MTAP: variants seen among roughly 807,000 people sequenced by gnomAD.
The protein encoded by MTAP is S-methyl-5'-thioadenosine phosphorylase.
In MTAP, 33 loss-of-function variants were observed where a neutral mutation model predicts 33.6. The observed-to-expected ratio is 0.98, with a 90% CI of 0.74 to 1.31. The LOEUF is 1.31. Among genes scored for constraint, MTAP ranks in the 40% most tolerant of loss-of-function variants. MTAP has a pLI of 0.00. For synonymous variants in MTAP, 148 were observed against 125.7 expected (o/e 1.18, Z -1.19); for missense variants, 367 against 360.0 (o/e 1.02, Z -0.16).
chr9:21,856,542 C>T (rs1050673365), intron 6 of MTAP, among the ~76,000 whole-genome samples: 1 of 152,262 alleles, frequency 6.6e-6, no homozygotes, highest in East Asian at 1.9e-4. Flanking sequence ...CCTGCCACAC[C>T]CTGAGAGCGG....
chr9:21,832,757 T>C (rs1825006204), intron 4 of MTAP, among the ~76,000 whole-genome samples: 1 of 152,216 alleles, frequency 6.6e-6, no homozygotes, highest in African/African-American at 2.4e-5. Flanking sequence ...TTTGAGTTCC[T>C]ATTAGGTGTC....
chr9:21,913,687 C>G (rs1254353146), intron 1 of MTAP, among the ~76,000 whole-genome samples: 1 of 152,124 alleles, frequency 6.6e-6, no homozygotes, highest in African/African-American at 2.4e-5. Flanking sequence ...AGATGAAAAC[C>G]TAGGCAATAC....
chr9:21,893,939 A>ACACACACC (rs1554647752), intron 1 of MTAP: 1 of 151,720 alleles, frequency 6.6e-6, no homozygotes, highest in Non-Finnish European at 1.5e-5. Context: ...ACACACACAC[A>ACACACACC]CACACACACA....
At chr9:21,879,187 A>G (rs1047628321) in intron 1 of MTAP, among the ~76,000 whole-genome samples, 1 of 152,176 alleles carries the variant, frequency 6.6e-6, no homozygotes, top group East Asian at 1.9e-4. Context: ...TGGGAGTCTA[A>G]GTTTATTTGT....
At chr9:21,875,097 G>T (rs1249867466) in intron 1 of MTAP, among the ~76,000 whole-genome samples, 1 of 152,108 alleles carries the variant, frequency 6.6e-6, no homozygotes, top group African/African-American at 2.4e-5. Flanking sequence ...ATTTGGGCTG[G>T]TTCCAAGTCT....
rs1256165581 is a variant in MTAP, at chr9:21,807,324, C to G, written c.33+4543C>G. ...ACTGTGGAATATGGGCCTTTACACTCCCTGCTTTGCTGTCTTGAGTGTGGC... is the reference window on the plus strand; with the variant it reads ...ACTGTGGAATATGGGCCTTTACACTGCCTGCTTTGCTGTCTTGAGTGTGGC... On this transcript the variant is annotated intron_variant, in intron 1 of 7. Coordinates refer to ENST00000644715, the MANE Select transcript of MTAP (RefSeq NM_002451.4). Among the ~76,000 whole-genome samples the G allele has an allele frequency of 2.6e-5, 4 of 152,134 alleles. No homozygotes were observed. In the East Asian group the frequency reaches 5.8e-4, roughly 22 times the overall value.
intron 1 of MTAP, among the ~76,000 whole-genome samples, chr9:21,881,555 A>T (rs1818010924): frequency 2.6e-5 from 4 of 152,090 alleles, no homozygotes; most frequent in Non-Finnish European, 2.9e-5. Context: ...GAAATAATCC[A>T]ATTAAAAAGT....
At position 21,864,628 on chromosome 9, in the gene MTAP, C is replaced by A; in HGVS notation, c.*2614C>A. ...CTTGTGACCTGGCCCCTGTTCACTG[C>A]CCCCTTCGCTAGCACGAGTTGCTGT... On this transcript the variant is annotated 3_prime_UTR_variant, in exon 8 of 8. Transcript: ENST00000644715. 1.0e-6 allele frequency: 1 copy of A among 985,500 alleles called. No homozygotes were observed. Among genetic ancestry groups the A allele is most frequent in the Non-Finnish European group, 1.2e-6 (1 of 829,972 alleles). 61.0% of individuals were successfully genotyped at this position (985,500 alleles called of 1,614,324 possible).
intron 1 of MTAP, among the ~76,000 whole-genome samples, chr9:21,898,933 T>G (rs1233935459): frequency 1.3e-5 from 2 of 152,056 alleles, no homozygotes; most frequent in South Asian, 2.1e-4. Flanking sequence ...CACATGCACA[T>G]GTATGTTTAT....
intron 1 of MTAP, among the ~76,000 whole-genome samples, chr9:21,811,453 T>TC (rs753521129): frequency 5.3e-5 from 8 of 152,132 alleles, no homozygotes; most frequent in Non-Finnish European, 1.0e-4. Flanking sequence ...CAAAAAAATT[T>TC]TTTTTTTCAC....
At chr9:21,807,751 T>C (rs1824244804) in intron 1 of MTAP, among the ~76,000 whole-genome samples, 1 of 152,186 alleles carries the variant, frequency 6.6e-6, no homozygotes, top group Non-Finnish European at 1.5e-5. Flanking sequence ...AAGGGCTTTT[T>C]TTGTTGCTTT....
At chr9:21,909,543 A>G (rs901919466) in intron 1 of MTAP, among the ~76,000 whole-genome samples, 2 of 152,148 alleles carry the variant, frequency 1.3e-5, no homozygotes, top group African/African-American at 4.8e-5. Context: ...GTAGTGTGTT[A>G]TATTTCTAAG....
chr9:21,854,931 TTAAC>T, intron 6 of MTAP, 61 bp downstream of exon 6: 2 of 1,571,358 alleles, frequency 1.3e-6, no homozygotes, highest in Non-Finnish European at 1.7e-6. Flanking sequence ...ATAGGGTGTC[TTAAC>T]TGTTTGTTTC....
downstream of MTAP, chr9:21,940,936 G>T: frequency 3.2e-6 from 3 of 942,678 alleles, no homozygotes; most frequent in Non-Finnish European, 3.8e-6. Context: ...GGAAAGGGGT[G>T]CTAAAAGTTA....
Position 21,862,085 on chromosome 9 carries a change from GA to G in MTAP, c.*78del. 6.2e-7 allele frequency: 1 copy of G among 1,604,012 alleles called. No individual in the cohort carries two copies. On this transcript the variant is annotated 3_prime_UTR_variant, in exon 8 of 8. Transcript: ENST00000644715. ...CATTTTGGGAATTCCTGCTTAACTT[GA>G]AAAAAATATGGGAAAGACATGCAGC...
intron 1 of MTAP, among the ~76,000 whole-genome samples, chr9:21,896,152 T>C (rs754632519): frequency 3.3e-5 from 5 of 152,186 alleles, no homozygotes; most frequent in Admixed American, 2.6e-4. Flanking sequence ...AACCTGCTCC[T>C]GAATGACTAT....
chr9:21,890,653 T>C (rs1452652860), intron 1 of MTAP, among the ~76,000 whole-genome samples: 4 of 152,050 alleles, frequency 2.6e-5, no homozygotes, highest in Non-Finnish European at 4.4e-5. Flanking sequence ...ACCTTTACAT[T>C]TTGCTGGGCT....
chr9:21,884,654 A>G (rs1818079229), intron 1 of MTAP, among the ~76,000 whole-genome samples: 1 of 152,118 alleles, frequency 6.6e-6, no homozygotes, highest in East Asian at 1.9e-4. Flanking sequence ...CATGGCCGCT[A>G]GTGAACTCTA....
intron 4 of MTAP, among the ~76,000 whole-genome samples, chr9:21,825,088 G>A (rs200048393): frequency 1.1e-4 from 17 of 152,026 alleles, no homozygotes; most frequent in African/African-American, 3.4e-4. Context: ...GCTCACACTC[G>A]ATGGGCTGCA....
Sources: gnomAD v4.1 joint callset for allele counts (sites outside exome capture counted in the v4.1 genomes callset) on GRCh38, gnomAD v4.1.1 for gene constraint, MANE v1.5 for transcripts, NCBI Gene and HGNC (gene_info 2026-07-23, HGNC 2026-07-21) for gene names.